The following SAMD5 variants were observed in gnomAD, a reference collection of about 807,000 sequenced individuals.
SAMD5 encodes sterile alpha motif domain containing 5, also known as sterile alpha motif domain-containing protein 5.
In SAMD5, 13 loss-of-function variants were observed where a neutral mutation model predicts 11.3. The ratio of observed to expected loss-of-function variants is 1.15; its 90% CI spans 0.75 to 1.83. The LOEUF (loss-of-function observed/expected upper bound fraction) is 1.83. Among genes scored for constraint, SAMD5 ranks in the 40% most tolerant of loss-of-function variants. SAMD5 has a pLI of 0.00. For missense variants in SAMD5, 255 were observed against 239.1 expected, an observed-to-expected ratio of 1.07 and a Z score of -0.44; for synonymous variants, 129 against 111.3, an observed-to-expected ratio of 1.16 and a Z score of -1.00.
chr6:147,834,540 C>T, the SAMD5 span, among the ~76,000 whole-genome samples: 1 of 152,184 alleles, frequency 6.6e-6, no homozygotes, highest in African/African-American at 2.4e-5. Flanking sequence ...TGAGAAGGCA[C>T]ACAGCTGTTC....
At chr6:147,884,157 A>T in the SAMD5 span, among the ~76,000 whole-genome samples, 293 of 152,278 alleles carry the variant, frequency 1.9e-3, no homozygotes, top group African/African-American at 6.6e-3. Flanking sequence ...AATAGAGAGT[A>T]CTGAGGCTCT....
chr6:147,755,726 T>A, the SAMD5 span, among the ~76,000 whole-genome samples: 5 of 152,078 alleles, frequency 3.3e-5, no homozygotes, highest in Non-Finnish European at 7.4e-5. Flanking sequence ...TTGTAGCAAC[T>A]CTTATTGAAT....
the SAMD5 span, among the ~76,000 whole-genome samples, chr6:147,806,274 G>A: frequency 1.3e-5 from 2 of 151,338 alleles, no homozygotes; most frequent in African/African-American, 4.9e-5. Context: ...GACACTAAGG[G>A]AAATCTACTT....
the SAMD5 span, among the ~76,000 whole-genome samples, chr6:147,797,936 T>C: frequency 9.9e-5 from 15 of 151,128 alleles, no homozygotes; most frequent in Admixed American, 7.2e-4. Context: ...TTTTTTATTG[T>C]GTCTATTTGA....
the SAMD5 span, among the ~76,000 whole-genome samples, chr6:147,820,808 G>T: frequency 1.9e-3 from 290 of 152,256 alleles, no homozygotes; most frequent in African/African-American, 6.7e-3. Context: ...CTGAGTGTCG[G>T]AGCTGAAATT....
At chr6:147,683,200 A>G (rs1790964099) in intron 1 of SAMD5, among the ~76,000 whole-genome samples, 1 of 152,206 alleles carries the variant, frequency 6.6e-6, no homozygotes, top group South Asian at 2.1e-4. Context: ...TTACAAACAG[A>G]ATTGACTGTA....
At chr6:147,742,481 G>A (rs542304175), downstream of SAMD5, among the ~76,000 whole-genome samples, 21 of 152,250 alleles carry the variant, frequency 1.4e-4, no homozygotes, top group South Asian at 3.5e-3. Flanking sequence ...CTGTTTCTGT[G>A]ATATATAAAA....
chr6:147,794,422 A>G, the SAMD5 span, among the ~76,000 whole-genome samples: 1 of 152,148 alleles, frequency 6.6e-6, no homozygotes, highest in East Asian at 1.9e-4. Context: ...TTTAATTATT[A>G]CTTAACATCA....
chr6:147,847,871 A>G, the SAMD5 span, among the ~76,000 whole-genome samples: 1 of 152,040 alleles, frequency 6.6e-6, no homozygotes, highest in Non-Finnish European at 1.5e-5. Context: ...AAAAAACAAA[A>G]AACAACAACA....
At chr6:147,881,959 G>T in the SAMD5 span, among the ~76,000 whole-genome samples, 1 of 152,134 alleles carries the variant, frequency 6.6e-6, no homozygotes, top group Admixed American at 6.5e-5. Context: ...TCCAGTGCCC[G>T]ATATGAATGC....
At chr6:147,643,791 AGG>A (rs1790351365) in intron 1 of SAMD5, among the ~76,000 whole-genome samples, 5 of 136,904 alleles carry the variant, frequency 3.7e-5, no homozygotes, top group African/African-American at 1.4e-4. Context: ...GAAGGAAGGA[AGG>A]AAAGAGAGAG....
chr6:147,825,292 G>T, the SAMD5 span, among the ~76,000 whole-genome samples: 42 of 152,132 alleles, frequency 2.8e-4, no homozygotes, highest in South Asian at 8.5e-3. Context: ...GTGAGACTCC[G>T]TCTCAAAAAA....
chr6:147,660,364 G>A (rs1394532557), intron 1 of SAMD5, among the ~76,000 whole-genome samples: 3 of 152,146 alleles, frequency 2.0e-5, no homozygotes, highest in South Asian at 4.1e-4. Context: ...ACAGAGGGAC[G>A]TGCAGAACCC....
the SAMD5 span, among the ~76,000 whole-genome samples, chr6:147,876,395 A>C: frequency 1.3e-5 from 2 of 152,142 alleles, no homozygotes; most frequent in Non-Finnish European, 2.9e-5. Flanking sequence ...ACTTACTAAA[A>C]ATGGTGGATT....
chr6:147,577,875 G>C (rs1228471967), intron 1 of SAMD5, among the ~76,000 whole-genome samples: 1 of 152,052 alleles, frequency 6.6e-6, no homozygotes, highest in Non-Finnish European at 1.5e-5. Flanking sequence ...CTAGTGTATA[G>C]TATTTCCACA....
the SAMD5 span, among the ~76,000 whole-genome samples, chr6:147,812,735 C>T: frequency 6.6e-6 from 1 of 152,094 alleles, no homozygotes; most frequent in Non-Finnish European, 1.5e-5. Flanking sequence ...CACTAGATAA[C>T]TCTGTTGAAT....
chr6:147,529,693 T>G (rs2128440976), intron 1 of SAMD5, among the ~76,000 whole-genome samples: 1 of 152,350 alleles, frequency 6.6e-6, no homozygotes, highest in South Asian at 2.1e-4. Context: ...CTACTTCATC[T>G]CCACCTCTAA....
intron 1 of SAMD5, among the ~76,000 whole-genome samples, chr6:147,655,149 GT>G (rs35441158): frequency 0.089 from 13,519 of 152,124 alleles, 882 homozygotes; most frequent in East Asian, 0.26. Flanking sequence ...TTTCAGGCTA[GT>G]TTGGGCACAC....
intron 1 of SAMD5, among the ~76,000 whole-genome samples, chr6:147,613,156 T>A (rs1194020931): frequency 6.7e-6 from 1 of 150,134 alleles, no homozygotes; most frequent in Non-Finnish European, 1.5e-5. Flanking sequence ...ATCTCAAAAA[T>A]CAAAAATAAA....
Sources: allele counts gnomAD v4.1 joint callset (sites outside exome capture counted in the v4.1 genomes callset), GRCh38; gene constraint gnomAD v4.1.1; transcripts MANE v1.5; gene names NCBI Gene and HGNC (gene_info 2026-07-23, HGNC 2026-07-21).